GALNT7: variants seen among roughly 807,000 people sequenced by gnomAD.
GALNT7 encodes N-acetylgalactosaminyltransferase 7.
GALNT7 carries 60 observed loss-of-function variants against 82.1 expected under a neutral mutation model. The ratio of observed to expected loss-of-function variants is 0.73; its 90% CI spans 0.59 to 0.91. The LOEUF is 0.91. Ranked by LOEUF, GALNT7 falls within the 40% of genes least tolerant of loss-of-function variation. The pLI is 0.00. For synonymous variants in GALNT7, 243 were observed against 275.1 expected, an observed-to-expected ratio of 0.88 and a Z score of 1.15; for missense variants, 660 against 804.2, an observed-to-expected ratio of 0.82 and a Z score of 2.17.
chr4:173,312,605 G>A (rs1260168187), intron 8 of GALNT7, among the ~76,000 whole-genome samples: 4 of 152,210 alleles, frequency 2.6e-5, no homozygotes, highest in Non-Finnish European at 2.9e-5. Context: ...AATGTTGGCA[G>A]AGACAAATCA....
intron 1 of GALNT7, among the ~76,000 whole-genome samples, chr4:173,244,992 G>C (rs1734571202): frequency 1.3e-5 from 2 of 152,096 alleles, no homozygotes; most frequent in South Asian, 4.1e-4. Flanking sequence ...AGGTACTAGA[G>C]AGATATGAAT....
At chr4:173,237,299 A>G (rs1734266794) in intron 1 of GALNT7, among the ~76,000 whole-genome samples, 1 of 152,184 alleles carries the variant, frequency 6.6e-6, no homozygotes, top group South Asian at 2.1e-4. Context: ...ATGAGCTGTT[A>G]TGTAAGCCAT....
rs1054296335 is a variant in GALNT7, at chr4:173,323,043, A to G, written c.*1326A>G. The G allele has an allele frequency of 2.0e-5, 3 of 152,056 alleles. No homozygotes were observed. The highest frequency in any genetic ancestry group is 6.6e-5 in the Admixed American group (1 of 15,254). The allele number at this position is 152,056 out of a possible 1,614,324, so 9.4% of individuals were successfully genotyped here. A position where few individuals can be genotyped will look rare whatever the true frequency, so the allele number is the denominator to read the frequency against. ...TAAGACAGTACCTATTAGGAAAACC[A>G]AATATTGCAAATGGTCAATTCGATT... On this transcript the variant is annotated 3_prime_UTR_variant, in exon 12 of 12. Transcript: ENST00000265000.
chr4:173,220,920 G>C (rs1733625260), intron 1 of GALNT7, among the ~76,000 whole-genome samples: 1 of 151,892 alleles, frequency 6.6e-6, no homozygotes, highest in African/African-American at 2.4e-5. Context: ...ATTTGGGTTG[G>C]TTCCAAGTCT....
chr4:173,321,626 G>A lies in GALNT7; in HGVS notation c.1883G>A (p.Arg628His), dbSNP rs1464760659. ...THIPSGKCLD[R>H]SEVLHQVFIS... ...ATTCCTTCAGGAAAGTGTTTAGATC[G>A]CTCAGAGGTCCTGCATCAAGTATTC... The change falls in exon 12 of 12, where the codon CGC becomes CAC. Residue 628 changes from arginine to histidine, a missense_variant. Physicochemically the swap from Arg to His is conservative, Grantham distance 29. Coordinates refer to ENST00000265000, the MANE Select transcript of GALNT7 (RefSeq NM_017423.3). 12 of 1,605,150 alleles carry A rather than the reference G, an allele frequency of 7.5e-6. No homozygotes were observed. Among genetic ancestry groups the A allele is most frequent in the South Asian group, 1.1e-5 (1 of 90,902 alleles).
intron 1 of GALNT7, among the ~76,000 whole-genome samples, chr4:173,173,278 T>G (rs1194757948): frequency 6.6e-6 from 1 of 152,114 alleles, no homozygotes; most frequent in Non-Finnish European, 1.5e-5. Context: ...CTGGATATTT[T>G]AAGGTCAGCA....
At position 173,245,344 on chromosome 4, in the gene GALNT7, C is replaced by T. The variant is rs1306039817; in HGVS notation, c.127-2636C>T. Among the ~76,000 whole-genome samples, 3 of 151,944 alleles carry T rather than the reference C, an allele frequency of 2.0e-5. No individual in the cohort carries two copies. The East Asian group carries it at 5.8e-4, about 29-fold the overall frequency. On this transcript the variant is annotated intron_variant, in intron 1 of 11. Coordinates refer to ENST00000265000, the MANE Select transcript of GALNT7 (RefSeq NM_017423.3). ...TTGCAATTTTGGTATTAGCATAGGT[C>T]AACCTAAACTATGGCGTGTATTTCA...
chr4:173,301,881 G>A (rs779158004), intron 6 of GALNT7, among the ~76,000 whole-genome samples, 166 bp from the exon 7 acceptor site: 2 of 152,198 alleles, frequency 1.3e-5, no homozygotes, highest in Non-Finnish European at 2.9e-5. Flanking sequence ...ATTATGAACA[G>A]ATTTTTTTCT....
intron 2 of GALNT7, among the ~76,000 whole-genome samples, chr4:173,256,442 T>C (rs1382428367): frequency 6.6e-6 from 1 of 152,142 alleles, no homozygotes. Flanking sequence ...ACTGTGCTGA[T>C]TGGTTTTGGT....
At chr4:173,305,587 T>G (rs1000575683) in intron 8 of GALNT7, among the ~76,000 whole-genome samples, 3 of 152,206 alleles carry the variant, frequency 2.0e-5, no homozygotes, top group African/African-American at 7.2e-5. Flanking sequence ...TTATATATGG[T>G]GTGAGATGAA....
intron 11 of GALNT7, among the ~76,000 whole-genome samples, chr4:173,321,249 A>C (rs1294222007): frequency 1.3e-5 from 2 of 152,156 alleles, no homozygotes; most frequent in African/African-American, 4.8e-5. Context: ...GTATTTCCTA[A>C]GGACTAGAGA....
chr4:173,314,259 A>T, intron 9 of GALNT7, 83 bp downstream of exon 9: 1 of 950,388 alleles, frequency 1.1e-6, no homozygotes, highest in Non-Finnish European at 1.7e-6. Flanking sequence ...TGTAAGAGGG[A>T]AGTATTCTTG....
intron 10 of GALNT7, 136 bp from the exon 11 acceptor site, chr4:173,318,295 T>TA (rs1737676705): frequency 9.5e-6 from 6 of 628,510 alleles, no homozygotes; most frequent in Non-Finnish European, 1.6e-5. Context: ...GTCTGTGGAC[T>TA]TACAGTTCTA....
At chr4:173,303,916 T>G in intron 7 of GALNT7, 80 bp from the exon 8 acceptor site, 1 of 1,174,184 alleles carries the variant, frequency 8.5e-7, no homozygotes, top group Non-Finnish European at 1.2e-6. Context: ...GATTTTAGAT[T>G]TACACTTACA....
intron 1 of GALNT7, among the ~76,000 whole-genome samples, chr4:173,224,508 A>G (rs1362594253): frequency 6.6e-6 from 1 of 152,184 alleles, no homozygotes; most frequent in African/African-American, 2.4e-5. Flanking sequence ...GTGCAAGGAA[A>G]TATGTGTATT....
intron 1 of GALNT7, among the ~76,000 whole-genome samples, chr4:173,244,136 C>T (rs2126731426): frequency 6.6e-6 from 1 of 152,176 alleles, no homozygotes; most frequent in East Asian, 1.9e-4. Context: ...CATTCATTTA[C>T]ATATTGTCTA....
intron 2 of GALNT7, among the ~76,000 whole-genome samples, chr4:173,284,266 GACA>G (rs1736227829): frequency 6.6e-6 from 1 of 152,110 alleles, no homozygotes; most frequent in Non-Finnish European, 1.5e-5. Flanking sequence ...ATTAAAATAA[GACA>G]ACAATTGTCT....
intron 1 of GALNT7, among the ~76,000 whole-genome samples, chr4:173,216,978 G>T (rs932793952): frequency 6.6e-6 from 1 of 151,478 alleles, no homozygotes; most frequent in Non-Finnish European, 1.5e-5. Flanking sequence ...TGATCCGCCT[G>T]CCTCGGCCTC....
At position 173,298,199 on chromosome 4, in the gene GALNT7, G is replaced by T; in HGVS notation, c.1050G>T (p.Gly350=). 1.2e-6 allele frequency: 2 copies of T among 1,613,822 alleles called. No individual in the cohort carries two copies. Among genetic ancestry groups the T allele is most frequent in the Non-Finnish European group, 1.7e-6 (2 of 1,179,778 alleles). The change falls in exon 6 of 12, where the codon GGG becomes GGT. Residue 350 remains glycine (G), a synonymous_variant. Coordinates refer to ENST00000265000, the MANE Select transcript of GALNT7 (RefSeq NM_017423.3). ...IIPQGGGDED[G]YARGAWDWSM... ...CCCAAGGGGGTGGTGATGAAGATGG[G>T]TATGCCCGAGGAGCATGGGATTGGA...
Sources: gnomAD v4.1 joint callset for allele counts (sites outside exome capture counted in the v4.1 genomes callset) on GRCh38, gnomAD v4.1.1 for gene constraint, MANE v1.5 for transcripts, NCBI Gene and HGNC (gene_info 2026-07-23, HGNC 2026-07-21) for gene names.